Variants in PCDHA8 observed in about 807,000 individuals in gnomAD.
PCDHA8 encodes the protein protocadherin alpha 8.
In PCDHA8, 53 loss-of-function variants were observed where a neutral mutation model predicts 61.8. The ratio of observed to expected loss-of-function variants is 0.86; its 90% CI spans 0.69 to 1.08. PCDHA8 has a LOEUF of 1.08. PCDHA8 is among the 50% of genes least tolerant of loss of function. The pLI, the probability that PCDHA8 is intolerant of heterozygous loss-of-function variation, is 0.00. For synonymous variants in PCDHA8, 618 were observed against 556.6 expected (o/e 1.11, Z -1.55); for missense variants, 1,293 against 1,245.0 (o/e 1.04, Z -0.58).
intron 1 of PCDHA8, chr5:140,930,420 A>G (rs996872425): frequency 1.3e-5 from 2 of 151,962 alleles, no homozygotes; most frequent in Non-Finnish European, 2.9e-5. Context: ...CAGGGGTCTC[A>G]CTATGTTGCC....
intron 3 of PCDHA8, among the ~76,000 whole-genome samples, chr5:141,008,816 C>T (rs2098391999): frequency 6.6e-6 from 1 of 152,190 alleles, no homozygotes; most frequent in African/African-American, 2.4e-5. Context: ...GCTCAATTTA[C>T]AACAGGATTC....
At chr5:140,869,598 T>A in intron 1 of PCDHA8, 6 of 1,614,122 alleles carry the variant, frequency 3.7e-6, no homozygotes, top group Non-Finnish European at 5.1e-6. Context: ...TTGAAGAGAA[T>A]GCTCTATTGA....
At chr5:140,868,986 C>T in intron 1 of PCDHA8, 1 of 1,503,326 alleles carries the variant, frequency 6.7e-7, no homozygotes. Flanking sequence ...TACCGGATGC[C>T]ACCGTTTAAG....
At chr5:140,869,752 G>A (rs1398153775) in intron 1 of PCDHA8, 17 of 1,613,136 alleles carry the variant, frequency 1.1e-5, no homozygotes, top group African/African-American at 1.3e-5. Context: ...AGCTACAGAC[G>A]GGGGAAAACC....
chr5:140,943,302 A>G, intron 1 of PCDHA8, among the ~76,000 whole-genome samples: 1 of 151,674 alleles, frequency 6.6e-6, no homozygotes, highest in Non-Finnish European at 1.5e-5. Context: ...AATTTTGGGA[A>G]GTCATTATTA....
chr5:140,869,511 A>G, intron 1 of PCDHA8: 1 of 1,614,194 alleles, frequency 6.2e-7, no homozygotes, highest in Non-Finnish European at 8.5e-7. Context: ...TCTCGCTCAG[A>G]GAACAAAAGC....
rs78257345 is a variant in PCDHA8 at position 140,892,116 on chromosome 5, T to C, written c.2394+48401T>C. Among the ~76,000 whole-genome samples the C allele has an allele frequency of 8.0e-3, 1,216 of 152,346 alleles. 6 individuals are homozygous for C. The highest frequency in any genetic ancestry group is 0.019 in the African/African-American group (786 of 41,576). On this transcript the variant is annotated intron_variant, in intron 1 of 3. Transcript: ENST00000531613. ...AACTTTCAAGCTTGGCATTTATATCTGGAACACAATAAGCTCATGGTTTTA... is the reference window on the plus strand; with the variant it reads ...AACTTTCAAGCTTGGCATTTATATCCGGAACACAATAAGCTCATGGTTTTA...
chr5:140,900,178 T>C (rs972449455), intron 1 of PCDHA8, among the ~76,000 whole-genome samples: 2 of 152,238 alleles, frequency 1.3e-5, no homozygotes, highest in African/African-American at 2.4e-5. Context: ...GCCTGGTTTA[T>C]GTCACTTATA....
intron 1 of PCDHA8, chr5:140,876,161 T>C (rs1582262337): frequency 6.2e-7 from 1 of 1,613,960 alleles, no homozygotes; most frequent in Non-Finnish European, 8.5e-7. Flanking sequence ...CAGATTCAAA[T>C]AACCGTCCTG....
In PCDHA8 at chr5:140,912,862, T is replaced by C. The variant is rs181526076; in HGVS notation, c.2395-66087T>C. On this transcript the variant is annotated intron_variant, in intron 1 of 3. Coordinates refer to ENST00000531613, the MANE Select transcript of PCDHA8 (RefSeq NM_018911.3). Reference sequence around the variant, plus strand: ...GCTTTTTCAGCATCAATTGAAATGATATATGGTTTTTGGTCTTCATTCTGT... The same window carrying C: ...GCTTTTTCAGCATCAATTGAAATGACATATGGTTTTTGGTCTTCATTCTGT... Among the ~76,000 whole-genome samples, 6 of 152,338 alleles carry C rather than the reference T, an allele frequency of 3.9e-5. No individual in the cohort carries two copies. In the East Asian group the frequency reaches 1.2e-3, roughly 29 times the overall value.
intron 1 of PCDHA8, among the ~76,000 whole-genome samples, chr5:140,941,319 CT>C (rs70988781): frequency 0.38 from 39,984 of 104,186 alleles, 7,512 homozygotes; most frequent in East Asian, 0.57. Flanking sequence ...TCTTCTTTCT[CT>C]TTTTTTTTTT....
At chr5:140,862,912 C>T (rs1554157229) in intron 1 of PCDHA8, 1 of 550,038 alleles carries the variant, frequency 1.8e-6, no homozygotes, top group Non-Finnish European at 3.5e-6. Flanking sequence ...GCTGCTGGCG[C>T]CTTGGGTGGG....
In PCDHA8 at chr5:140,891,823, C is replaced by T. The variant is rs186209593; in HGVS notation, c.2394+48108C>T. On this transcript the variant is annotated intron_variant, in intron 1 of 3. Transcript: ENST00000531613. ...TGCCCTCATGAATAAATTAACGGCACTGTAAAAGGACTTGATGGAAGGAGC... is the reference window on the plus strand; with the variant it reads ...TGCCCTCATGAATAAATTAACGGCATTGTAAAAGGACTTGATGGAAGGAGC... Among the ~76,000 whole-genome samples, 1,217 of 152,254 alleles carry T rather than the reference C, an allele frequency of 8.0e-3. 6 individuals carry two copies. The highest frequency in any genetic ancestry group is 0.019 in the African/African-American group (784 of 41,536).
At chr5:140,916,603 G>A (rs782815026) in intron 1 of PCDHA8, among the ~76,000 whole-genome samples, 4 of 152,152 alleles carry the variant, frequency 2.6e-5, no homozygotes, top group South Asian at 2.1e-4. Flanking sequence ...CCTGGAATGC[G>A]GGCCTCATGA....
chr5:140,866,929 A>C (rs1189639503), intron 1 of PCDHA8: 1 of 152,160 alleles, frequency 6.6e-6, no homozygotes, highest in African/African-American at 2.4e-5. Context: ...CAAAGGGCGC[A>C]TAATCTCTTC....
At chr5:140,976,528 A>G (rs1238458657) in intron 1 of PCDHA8, among the ~76,000 whole-genome samples, 1 of 152,112 alleles carries the variant, frequency 6.6e-6, no homozygotes, top group East Asian at 1.9e-4. Flanking sequence ...ACCAGCCTAA[A>G]TGACAGAGTA....
At chr5:140,885,236 T>C (rs2060525853) in intron 1 of PCDHA8, among the ~76,000 whole-genome samples, 1 of 152,166 alleles carries the variant, frequency 6.6e-6, no homozygotes, top group Non-Finnish European at 1.5e-5. Context: ...CTGCTTTCAA[T>C]TTTTTATTTG....
intron 1 of PCDHA8, chr5:140,876,840 G>C: frequency 6.2e-7 from 1 of 1,614,166 alleles, no homozygotes; most frequent in Non-Finnish European, 8.5e-7. Flanking sequence ...CTGCGTTCGC[G>C]CAGCCCGAGT....
chr5:140,854,977 TAA>T (rs1490138607), intron 1 of PCDHA8, among the ~76,000 whole-genome samples: 1 of 149,962 alleles, frequency 6.7e-6, no homozygotes, highest in Non-Finnish European at 1.5e-5. Flanking sequence ...GAATTATAAT[TAA>T]GATTCTTTTT....
Sources: gnomAD v4.1 joint callset for allele counts (sites outside exome capture counted in the v4.1 genomes callset) on GRCh38, gnomAD v4.1.1 for gene constraint, MANE v1.5 for transcripts, NCBI Gene and HGNC (gene_info 2026-07-23, HGNC 2026-07-21) for gene names.